Variants in RAPGEF4 observed in about 807,000 individuals in gnomAD.
The protein encoded by RAPGEF4 is Rap guanine nucleotide exchange factor 4, also known as RAP guanine-nucleotide-exchange factor (GEF) 4.
RAPGEF4 carries 66 observed loss-of-function variants against 147.9 expected under a neutral mutation model. The observed-to-expected ratio is 0.45, with a 90% confidence interval of 0.37 to 0.55. The LOEUF is 0.55. Ranked by LOEUF, RAPGEF4 falls within the 20% of genes least tolerant of loss-of-function variation. RAPGEF4 has a pLI of 0.00. For missense variants in RAPGEF4, 1,071 were observed against 1,257.3 expected (o/e 0.85, Z 2.24); for synonymous variants, 419 against 442.7 (o/e 0.95, Z 0.67).
chr2:172,968,761 C>A (rs949803238), intron 10 of RAPGEF4, among the ~76,000 whole-genome samples: 2 of 152,220 alleles, frequency 1.3e-5, no homozygotes, highest in African/African-American at 4.8e-5. Flanking sequence ...CCAATGTATG[C>A]TTTCTCTGCC....
At chr2:172,996,947 C>G (rs1314829301) in intron 16 of RAPGEF4, among the ~76,000 whole-genome samples, 1 of 152,242 alleles carries the variant, frequency 6.6e-6, no homozygotes, top group African/African-American at 2.4e-5. Context: ...TAAGATACTT[C>G]TCTCTGCAGT....
chr2:173,048,474 G>T, intron 29 of RAPGEF4, 126 bp from the exon 30 acceptor site: 2 of 1,461,858 alleles, frequency 1.4e-6, no homozygotes, highest in Non-Finnish European at 1.8e-6. Flanking sequence ...CCTTCAGATA[G>T]TCAACATCTC....
At chr2:172,862,072 A>G (rs1034999203) in intron 4 of RAPGEF4, among the ~76,000 whole-genome samples, 4 of 152,236 alleles carry the variant, frequency 2.6e-5, no homozygotes, top group Non-Finnish European at 5.9e-5. Flanking sequence ...TCACAAAAAT[A>G]AAAACCAAAG....
chr2:172,801,051 T>C (rs1028581532), intron 3 of RAPGEF4, among the ~76,000 whole-genome samples: 1 of 152,154 alleles, frequency 6.6e-6, no homozygotes, highest in Non-Finnish European at 1.5e-5. Context: ...AGGGGTTCCA[T>C]GGACATTAAC....
intron 4 of RAPGEF4, among the ~76,000 whole-genome samples, chr2:172,913,698 T>C (rs968967739): frequency 2.0e-5 from 3 of 152,236 alleles, no homozygotes; most frequent in South Asian, 2.1e-4. Flanking sequence ...GTTTTGTTTG[T>C]TTGCTTGATG....
intron 1 of RAPGEF4, among the ~76,000 whole-genome samples, chr2:172,750,374 C>T (rs1574690149): frequency 6.6e-6 from 1 of 152,138 alleles, no homozygotes; most frequent in South Asian, 2.1e-4. Flanking sequence ...ATATTGGCGG[C>T]AGGCAAGAGA....
intron 6 of RAPGEF4, among the ~76,000 whole-genome samples, chr2:172,934,258 C>G (rs112385747): frequency 7.6e-4 from 114 of 149,650 alleles, no homozygotes; most frequent in African/African-American, 2.6e-3. Flanking sequence ...CAAGCAATTC[C>G]CCTGCCTCAG....
intron 1 of RAPGEF4, among the ~76,000 whole-genome samples, chr2:172,783,439 G>C (rs1201167759): frequency 6.6e-6 from 1 of 152,120 alleles, no homozygotes; most frequent in African/African-American, 2.4e-5. Context: ...GGAATTCACA[G>C]ACTCCACGTG....
At position 173,027,200 on chromosome 2, in the gene RAPGEF4, T is replaced by C; in HGVS notation, c.2499T>C (p.Leu833=). 1 of 1,613,526 alleles carries C rather than the reference T, an allele frequency of 6.2e-7. No individual in the cohort carries two copies. The highest frequency in any genetic ancestry group is 8.5e-7 in the Non-Finnish European group (1 of 1,179,874). The stretch of plus-strand genomic sequence containing the variant: ...TTTGGGTCGTCACTGAGATCTGCCT[T>C]TGTTCTCAGCTCAGCAAGCGTGTTC... ...IQFWVVTEIC[L]CSQLSKRVQL... The change falls in exon 25 of 31, where the codon CTT becomes CTC. Residue 833 remains leucine, a synonymous_variant. Transcript: ENST00000397081.
intron 23 of RAPGEF4, among the ~76,000 whole-genome samples, chr2:173,024,809 T>C (rs966382926): frequency 5.3e-5 from 8 of 152,196 alleles, no homozygotes; most frequent in Non-Finnish European, 7.3e-5. Context: ...ACTCCTAATC[T>C]GGTACACGAA....
At chr2:172,985,941 TAAGCTCC>T (rs2105693553) in intron 12 of RAPGEF4, among the ~76,000 whole-genome samples, 1 of 152,324 alleles carries the variant, frequency 6.6e-6, no homozygotes, top group South Asian at 2.1e-4. Flanking sequence ...ACTTCCACTT[TAAGCTCC>T]AAGCTGGAGA....
chr2:173,018,266 C>T (rs1460766132), intron 21 of RAPGEF4, among the ~76,000 whole-genome samples: 1 of 152,218 alleles, frequency 6.6e-6, no homozygotes, highest in African/African-American at 2.4e-5. Context: ...GGCGGAAGCC[C>T]TCCTGTGTGC....
At chr2:172,790,321 T>C (rs1477607437) in intron 1 of RAPGEF4, among the ~76,000 whole-genome samples, 1 of 152,202 alleles carries the variant, frequency 6.6e-6, no homozygotes, top group Non-Finnish European at 1.5e-5. Flanking sequence ...TACCAAGTTG[T>C]AGAGGTTGTA....
intron 6 of RAPGEF4, among the ~76,000 whole-genome samples, chr2:172,948,206 T>C (rs1038378814): frequency 6.6e-6 from 1 of 152,202 alleles, no homozygotes; most frequent in African/African-American, 2.4e-5. Flanking sequence ...CTGAACATTT[T>C]AGTATATGTC....
chr2:172,783,878 A>C (rs1258410765), intron 1 of RAPGEF4, among the ~76,000 whole-genome samples: 2 of 152,024 alleles, frequency 1.3e-5, no homozygotes, highest in Non-Finnish European at 2.9e-5. Context: ...ACAGTGATGC[A>C]CCAAAGTTTT....
chr2:172,821,911 G>C, intron 4 of RAPGEF4: 2 of 1,613,188 alleles, frequency 1.2e-6, no homozygotes, highest in Admixed American at 1.7e-5. Context: ...TCAAATAAAG[G>C]ATAGATGCTC....
intron 4 of RAPGEF4, among the ~76,000 whole-genome samples, chr2:172,842,261 A>C (rs1285674431): frequency 6.6e-6 from 1 of 152,152 alleles, no homozygotes; most frequent in Non-Finnish European, 1.5e-5. Context: ...AGAGAGACAA[A>C]AATTACTTTG....
chr2:172,782,986 A>G (rs1229930919), intron 1 of RAPGEF4, among the ~76,000 whole-genome samples: 2 of 152,342 alleles, frequency 1.3e-5, no homozygotes, highest in African/African-American at 4.8e-5. Context: ...GGCTGTTAAA[A>G]TTGGACAAGG....
intron 4 of RAPGEF4, among the ~76,000 whole-genome samples, chr2:172,916,876 A>G (rs1684128850): frequency 6.6e-6 from 1 of 152,104 alleles, no homozygotes; most frequent in Non-Finnish European, 1.5e-5. Context: ...CACACTATGG[A>G]GTGTTGATTC....
Sources: allele counts gnomAD v4.1 joint callset (sites outside exome capture counted in the v4.1 genomes callset), GRCh38; gene constraint gnomAD v4.1.1; transcripts MANE v1.5; gene names NCBI Gene and HGNC (gene_info 2026-07-23, HGNC 2026-07-21).